The following SHTN1 variants were observed in gnomAD, a reference collection of about 807,000 sequenced individuals.
The protein encoded by SHTN1 is shootin-1.
Under a neutral mutation model 83.1 loss-of-function variants are expected in SHTN1, and 42 were observed. The ratio of observed to expected loss-of-function variants is 0.51; its 90% CI spans 0.39 to 0.65. The LOEUF (loss-of-function observed/expected upper bound fraction) is 0.65. Ranked by LOEUF, SHTN1 falls within the 30% of genes least tolerant of loss-of-function variation. The pLI is 0.00. For synonymous variants in SHTN1, 224 were observed against 247.7 expected (o/e 0.90, Z 0.90); for missense variants, 622 against 737.8 (o/e 0.84, Z 1.82).
At chr10:116,994,580 C>T (rs1235800091) in intron 1 of SHTN1, among the ~76,000 whole-genome samples, 1 of 152,086 alleles carries the variant, frequency 6.6e-6, no homozygotes, top group African/African-American at 2.4e-5. Context: ...CTGTGCTTCA[C>T]ATTGTCTTTA....
intron 16 of SHTN1, among the ~76,000 whole-genome samples, chr10:116,897,431 C>T (rs1467251004): frequency 6.6e-6 from 1 of 152,130 alleles, no homozygotes; most frequent in African/African-American, 2.4e-5. Context: ...CTGAAAGGGA[C>T]TCTGTACAGT....
chr10:117,021,194 G>C (rs1300776498), intron 2 of SHTN1, among the ~76,000 whole-genome samples: 6 of 152,144 alleles, frequency 3.9e-5, no homozygotes, highest in Non-Finnish European at 8.8e-5. Context: ...CCAACATGGT[G>C]AAACACCATC....
intron 12 of SHTN1, among the ~76,000 whole-genome samples, chr10:116,919,822 T>C (rs538160315): frequency 9.9e-5 from 15 of 151,358 alleles, no homozygotes; most frequent in African/African-American, 3.4e-4. Flanking sequence ...TGCAGAGGAA[T>C]AGATTCCAAA....
At chr10:116,891,823 T>C (rs778754102) in intron 16 of SHTN1, among the ~76,000 whole-genome samples, 1 of 152,216 alleles carries the variant, frequency 6.6e-6, no homozygotes, top group Non-Finnish European at 1.5e-5. Context: ...CTACCGATTC[T>C]AGCATTATTT....
chr10:116,908,040 C>A (rs1848043779), intron 14 of SHTN1: 8 of 444,530 alleles, frequency 1.8e-5, no homozygotes, highest in South Asian at 1.3e-4. Context: ...CAGATGGTTA[C>A]AAATCTCATA....
At chr10:117,070,941 G>C (rs1242658484) in intron 1 of SHTN1, among the ~76,000 whole-genome samples, 1 of 151,924 alleles carries the variant, frequency 6.6e-6, no homozygotes, top group Non-Finnish European at 1.5e-5. Context: ...CAGTTGCATA[G>C]ATGTTGGTTT....
intron 1 of SHTN1, among the ~76,000 whole-genome samples, chr10:116,984,035 G>A (rs539899377): frequency 2.2e-4 from 34 of 152,210 alleles, no homozygotes; most frequent in South Asian, 6.2e-4. Context: ...ACTAAAGTTC[G>A]TAACTACAAG....
At chr10:117,003,873 CTTTA>C (rs910360664) in intron 1 of SHTN1, among the ~76,000 whole-genome samples, 5 of 152,078 alleles carry the variant, frequency 3.3e-5, no homozygotes, top group Non-Finnish European at 7.4e-5. Context: ...TGGTTCCTCC[CTTTA>C]TTTCTTTATT....
intron 2 of SHTN1, among the ~76,000 whole-genome samples, chr10:117,011,972 C>T (rs1201479035): frequency 6.6e-6 from 1 of 151,918 alleles, no homozygotes; most frequent in East Asian, 1.9e-4. Flanking sequence ...AACCCTGTCT[C>T]TAATAAAAAT....
At chr10:117,030,147 A>G (rs1199684833) in intron 2 of SHTN1, among the ~76,000 whole-genome samples, 1 of 152,080 alleles carries the variant, frequency 6.6e-6, no homozygotes, top group East Asian at 1.9e-4. Context: ...TTGGCCTCCC[A>G]AAGTGCTGGG....
At position 117,092,472 on chromosome 10, in the gene SHTN1, C is replaced by T. The variant is rs894754574; in HGVS notation, c.-189+33835G>A. Reference sequence around the variant, plus strand: ...TCCCTGTGTGTTTGAAATGAACCAACACACACAAATGCAGACACGGTATTT... The same window carrying T: ...TCCCTGTGTGTTTGAAATGAACCAATACACACAAATGCAGACACGGTATTT... On this transcript the variant is annotated intron_variant, in intron 1 of 17. Transcript: ENST00000392901. Among the ~76,000 whole-genome samples, 5 of 152,192 alleles carry T rather than the reference C, an allele frequency of 3.3e-5. No homozygotes were observed. In the South Asian group the frequency reaches 6.2e-4, roughly 19 times the overall value.
At chr10:116,995,120 T>C (rs1851582503) in intron 1 of SHTN1, among the ~76,000 whole-genome samples, 1 of 152,172 alleles carries the variant, frequency 6.6e-6, no homozygotes, top group African/African-American at 2.4e-5. Flanking sequence ...TCTTTAACCA[T>C]GGCCATTTTA....
rs376072970 is a variant in SHTN1, at chr10:116,956,055, T to A, written c.268-1845A>T. 3.9e-5 allele frequency among the ~76,000 whole-genome samples: 6 copies of A among 152,346 alleles called. No homozygotes were observed. The South Asian group carries it at 1.2e-3, about 32-fold the overall frequency. On this transcript the variant is annotated intron_variant, in intron 4 of 16. Coordinates refer to ENST00000355371, the MANE Select transcript of SHTN1 (RefSeq NM_001127211.3). ...CTCAAACTATCCCATCTTTTAGGAA[T>A]GTCAGAAGAAAACATCAATTTAAGG... is the stretch of plus-strand genomic sequence containing the variant.
intron 8 of SHTN1, among the ~76,000 whole-genome samples, chr10:116,943,607 A>T (rs74159016): frequency 0.011 from 1,660 of 152,314 alleles, 20 homozygotes; most frequent in African/African-American, 0.031. Context: ...CTCTCTAAAT[A>T]AAACGAATCA....
chr10:116,899,546 T>TGTGTGTGAGA (rs1311755308), intron 16 of SHTN1, among the ~76,000 whole-genome samples: 5 of 123,804 alleles, frequency 4.0e-5, no homozygotes, highest in African/African-American at 1.5e-4. Flanking sequence ...TGTGTGTGTG[T>TGTGTGTGAGA]GAGAGAGTGC....
intron 1 of SHTN1, among the ~76,000 whole-genome samples, chr10:117,106,079 C>A (rs903595976): frequency 6.6e-6 from 1 of 151,772 alleles, no homozygotes; most frequent in Non-Finnish European, 1.5e-5. Flanking sequence ...CACTGCATTC[C>A]AGCCTGGGCG....
In SHTN1 at chr10:116,893,460, T is replaced by A. The variant is rs144193648; in HGVS notation, c.1674-6894A>T. Among the ~76,000 whole-genome samples the A allele has an allele frequency of 5.2e-3, 792 of 152,080 alleles. 10 individuals carry two copies. The highest frequency in any genetic ancestry group is 0.018 in the African/African-American group (754 of 41,502). On this transcript the variant is annotated intron_variant, in intron 16 of 16. Transcript: ENST00000355371. ...CTTTAATTGTATAAGAGCATCAGAT[T>A]AAGCAGTAACGTCCATGCAGTTCAT...
At chr10:117,121,993 C>T (rs12770128) in intron 1 of SHTN1, among the ~76,000 whole-genome samples, 99,785 of 151,884 alleles carry the variant, frequency 0.66, 35,008 homozygotes, top group Non-Finnish European at 0.8. Flanking sequence ...GATCGCGCCA[C>T]TGCACTCCAG....
chr10:116,909,096 T>C (rs1162897297), intron 14 of SHTN1, among the ~76,000 whole-genome samples: 1 of 152,208 alleles, frequency 6.6e-6, no homozygotes. Flanking sequence ...GTGGTACATA[T>C]AATTCCTTCA....
Sources: allele counts gnomAD v4.1 joint callset (sites outside exome capture counted in the v4.1 genomes callset), GRCh38; gene constraint gnomAD v4.1.1; transcripts MANE v1.5; gene names NCBI Gene and HGNC (gene_info 2026-07-23, HGNC 2026-07-21).